Variants in EYS observed in about 807,000 individuals in gnomAD.
EYS encodes the protein EGF-like photoreceptor maintenance factor, also known as protein eyes shut homolog.
In EYS, 250 loss-of-function variants were observed where a neutral mutation model predicts 282.1. That is an observed-to-expected ratio of 0.89 (90% CI 0.80 to 0.98). The LOEUF (loss-of-function observed/expected upper bound fraction) is 0.98, where lower values mean the gene tolerates loss of function less well. Ranked by LOEUF, EYS falls within the 50% of genes least tolerant of loss-of-function variation. The pLI is 0.00. For synonymous variants in EYS, 1,355 were observed against 1,282.9 expected (o/e 1.06, Z -1.20); for missense variants, 4,016 against 3,709.0 (o/e 1.08, Z -2.15).
At chr6:64,736,907 T>C (rs1294456268) in intron 22 of EYS, among the ~76,000 whole-genome samples, 3 of 152,142 alleles carry the variant, frequency 2.0e-5, no homozygotes, top group Non-Finnish European at 2.9e-5. Flanking sequence ...TGTATAAAAA[T>C]GTGAGGGACG....
chr6:64,702,108 A>G (rs1770813702), intron 22 of EYS, among the ~76,000 whole-genome samples: 6 of 152,056 alleles, frequency 3.9e-5, no homozygotes, highest in African/African-American at 1.4e-4. Context: ...TGAATAAAGT[A>G]GCCACTATCT....
intron 35 of EYS, among the ~76,000 whole-genome samples, chr6:63,963,712 A>C (rs530075986): frequency 6.6e-6 from 1 of 152,316 alleles, no homozygotes; most frequent in Admixed American, 6.5e-5. Flanking sequence ...TGCCATTAGG[A>C]AGAAACTTTT....
At chr6:64,343,347 A>T (rs1771215386) in intron 29 of EYS, among the ~76,000 whole-genome samples, 1 of 152,068 alleles carries the variant, frequency 6.6e-6, no homozygotes, top group Admixed American at 6.6e-5. Context: ...CAGAAATTAT[A>T]ACAAACTGTC....
chr6:64,924,448 T>C lies in EYS; in HGVS notation c.2382-11705A>G, dbSNP rs1004592829. 2.0e-5 allele frequency among the ~76,000 whole-genome samples: 3 copies of C among 152,218 alleles called. 1 individual carries two copies. The South Asian group carries it at 6.2e-4, about 32-fold the overall frequency. The stretch of plus-strand genomic sequence containing the variant: ...GCATGGCCTGCAGACATTTTCCCCA[T>C]GGTCTTCGGCATTAACATTAGGCTC... On this transcript the variant is annotated intron_variant, in intron 15 of 42. Transcript: ENST00000503581.
chr6:63,967,351 C>T (rs1766357171), intron 35 of EYS, among the ~76,000 whole-genome samples: 1 of 152,068 alleles, frequency 6.6e-6, no homozygotes, highest in Non-Finnish European at 1.5e-5. Context: ...AACTGAAACC[C>T]CAAAAGTGAA....
chr6:63,886,935 CA>C (rs1438859406), intron 35 of EYS, among the ~76,000 whole-genome samples: 1 of 152,136 alleles, frequency 6.6e-6, no homozygotes, highest in African/African-American at 2.4e-5. Flanking sequence ...ATATTTGACA[CA>C]AAAGGTTGTT....
At chr6:65,156,956 T>G (rs1448961709) in intron 12 of EYS, among the ~76,000 whole-genome samples, 1 of 150,954 alleles carries the variant, frequency 6.6e-6, no homozygotes, top group Non-Finnish European at 1.5e-5. Flanking sequence ...TTTTAGCCAC[T>G]CAATTCTAAA....
intron 35 of EYS, among the ~76,000 whole-genome samples, chr6:63,876,105 A>T (rs531963198): frequency 9.9e-5 from 15 of 152,276 alleles, no homozygotes; most frequent in African/African-American, 3.4e-4. Flanking sequence ...TCTTGTGGGC[A>T]TTTGGTGCTA....
intron 16 of EYS, among the ~76,000 whole-genome samples, chr6:64,906,547 T>A (rs760154785): frequency 6.6e-6 from 1 of 152,224 alleles, no homozygotes; most frequent in Non-Finnish European, 1.5e-5. Context: ...AATGATAGTA[T>A]ATATACTGGA....
chr6:65,205,348 A>G (rs1035405356), intron 12 of EYS, among the ~76,000 whole-genome samples: 1 of 151,718 alleles, frequency 6.6e-6, no homozygotes, highest in Non-Finnish European at 1.5e-5. Flanking sequence ...TACAACAAGA[A>G]TATTTAACTA....
chr6:63,993,544 A>ATTTTTT (rs1178391873), intron 34 of EYS, among the ~76,000 whole-genome samples: 1 of 151,842 alleles, frequency 6.6e-6, no homozygotes, highest in African/African-American at 2.4e-5. Context: ...AACTATCACA[A>ATTTTTT]ATAAGAAAAC....
chr6:65,699,409 A>G (rs186486088), intron 1 of EYS, among the ~76,000 whole-genome samples: 37 of 152,060 alleles, frequency 2.4e-4, no homozygotes, highest in Admixed American at 1.6e-3. Flanking sequence ...TATGGTTCAT[A>G]CTGGGCAATG....
At chr6:65,386,997 GA>G (rs34569665) in intron 7 of EYS, among the ~76,000 whole-genome samples, 30,201 of 150,540 alleles carry the variant, frequency 0.2, 3,183 homozygotes, top group South Asian at 0.35. Context: ...GAAAGGGAAG[GA>G]AAAAAAATAA....
At chr6:65,591,936 T>C (rs1186894508) in intron 2 of EYS, among the ~76,000 whole-genome samples, 2 of 152,042 alleles carry the variant, frequency 1.3e-5, no homozygotes, top group Non-Finnish European at 2.9e-5. Context: ...ATCTCTGACA[T>C]ATCTTGTCAC....
At chr6:65,135,668 T>C (rs1189584265) in intron 12 of EYS, among the ~76,000 whole-genome samples, 1 of 151,920 alleles carries the variant, frequency 6.6e-6, no homozygotes, top group Non-Finnish European at 1.5e-5. Flanking sequence ...ATTCATTTTT[T>C]TTTAAATCTA....
At chr6:64,737,043 A>G (rs1772208223) in intron 22 of EYS, among the ~76,000 whole-genome samples, 1 of 152,128 alleles carries the variant, frequency 6.6e-6, no homozygotes, top group African/African-American at 2.4e-5. Flanking sequence ...CCAAATTGTG[A>G]AGAAACAATG....
intron 5 of EYS, among the ~76,000 whole-genome samples, chr6:65,429,709 A>G (rs1355404465): frequency 6.6e-6 from 1 of 152,164 alleles, no homozygotes; most frequent in Non-Finnish European, 1.5e-5. Context: ...TGTATTATCT[A>G]TGGAGAAACA....
At chr6:64,937,555 C>A (rs1378219218) in intron 15 of EYS, among the ~76,000 whole-genome samples, 1 of 151,460 alleles carries the variant, frequency 6.6e-6, no homozygotes, top group African/African-American at 2.4e-5. Context: ...TATTATTAGT[C>A]CTTAGGGAGA....
chr6:63,970,302 C>A (rs978156295), intron 35 of EYS, among the ~76,000 whole-genome samples: 6 of 152,150 alleles, frequency 3.9e-5, no homozygotes, highest in African/African-American at 1.4e-4. Context: ...CTGCACTGGC[C>A]CCATGTCCAT....
Sources: allele counts gnomAD v4.1 joint callset (sites outside exome capture counted in the v4.1 genomes callset), GRCh38; gene constraint gnomAD v4.1.1; transcripts MANE v1.5; gene names NCBI Gene and HGNC (gene_info 2026-07-23, HGNC 2026-07-21).